The following SLC48A1 variants were observed in gnomAD, a reference collection of about 807,000 sequenced individuals.
SLC48A1 encodes heme transporter HRG1.
SLC48A1 carries 6 observed loss-of-function variants against 14.8 expected under a neutral mutation model. That is an observed-to-expected ratio of 0.41 (90% CI 0.22 to 0.80). The LOEUF is 0.80. Among genes scored for constraint, SLC48A1 ranks in the 30% least tolerant of loss-of-function variants. SLC48A1 has a pLI of 0.34. For missense variants in SLC48A1, 165 were observed against 204.8 expected (o/e 0.81, Z 1.19); for synonymous variants, 89 against 90.0 (o/e 0.99, Z 0.06).
At chr12:47,770,397 G>C (rs948472454), upstream of SLC48A1, among the ~76,000 whole-genome samples, 1 of 152,220 alleles carries the variant, frequency 6.6e-6, no homozygotes, top group Non-Finnish European at 1.5e-5. Flanking sequence ...TCTTGAAGCA[G>C]TTTCGTCTCT....
At chr12:47,765,168 T>A (rs1418657587) in intron 2 of SLC48A1, among the ~76,000 whole-genome samples, 1 of 135,054 alleles carries the variant, frequency 7.4e-6, no homozygotes, top group Non-Finnish European at 1.5e-5. Flanking sequence ...AAAAGTGGGA[T>A]CCAGAGAGAG....
intron 2 of SLC48A1, among the ~76,000 whole-genome samples, chr12:47,764,966 A>G (rs1942480844): frequency 6.6e-6 from 1 of 151,620 alleles, no homozygotes; most frequent in South Asian, 2.1e-4. Flanking sequence ...AGTCCAAGCT[A>G]CTCGGGAGGC....
At chr12:47,760,246 G>T in exon 2 of SLC48A1, 3 of 985,416 alleles carry the variant, frequency 3.0e-6, no homozygotes, top group Non-Finnish European at 3.6e-6. Context: ...ATTAAGAAAC[G>T]CTGGTGGAGT....
upstream of SLC48A1, chr12:47,769,469 C>G (rs1358587022): frequency 6.6e-6 from 1 of 152,228 alleles, no homozygotes; most frequent in Non-Finnish European, 1.5e-5. Context: ...CAAGGTCTTT[C>G]ACTGGATAAG....
chr12:47,773,377 A>G lies in SLC48A1; in HGVS notation c.73A>G (p.Ile25Val), dbSNP rs769439869. Residue 25 changes from isoleucine to valine, a missense_variant, in exon 1 of 3, where the codon ATC becomes GTC. Coordinates refer to ENST00000442218, the MANE Select transcript of SLC48A1 (RefSeq NM_017842.3). ...CATCAGCTCCGTGGCCGGCTTCTCC[A>G]TCTTCCTCGTCTGGACGGTGGTCTA... ...SGISSVAGFSIFLVWTVVYRQ... is the reference protein window; with the variant it reads ...SGISSVAGFSVFLVWTVVYRQ... The G allele has an allele frequency of 7.4e-6, 11 of 1,477,350 alleles. No homozygotes were observed. Among genetic ancestry groups the G allele is most frequent in the South Asian group, 1.3e-5 (1 of 77,564 alleles). 91.5% of individuals were successfully genotyped at this position (1,477,350 alleles called of 1,614,324 possible). A position where few individuals can be genotyped will look rare whatever the true frequency, so the allele number is the denominator to read the frequency against.
chr12:47,771,928 G>A (rs761584424), upstream of SLC48A1, among the ~76,000 whole-genome samples: 9 of 142,086 alleles, frequency 6.3e-5, no homozygotes, highest in Non-Finnish European at 1.2e-4. Flanking sequence ...GCAAGACTCC[G>A]TCTCAAAAAA....
chr12:47,758,845 G>A (rs753548529), intron 1 of SLC48A1: 65 of 1,201,556 alleles, frequency 5.4e-5, no homozygotes, highest in Non-Finnish European at 6.4e-5. Context: ...AGACGAAGGA[G>A]CCAGCTGGCA....
In SLC48A1 at chr12:47,782,440, AC is replaced by A. The variant is rs1382074653; in HGVS notation, c.*2164del. On this transcript the variant is annotated 3_prime_UTR_variant, in exon 3 of 3. Coordinates refer to ENST00000442218, the MANE Select transcript of SLC48A1 (RefSeq NM_017842.3). ...TCCTGTATTCCCACTCCCCCACCCC[AC>A]CCCCACTCCTGCCATATCAGGGCTG... The A allele has an allele frequency of 6.6e-6, 1 of 150,500 alleles. No homozygotes were observed. Among genetic ancestry groups the A allele is most frequent in the East Asian group, 2.0e-4 (1 of 5,096 alleles). The allele number at this position is 150,500 out of a possible 1,614,324, so 9.3% of individuals were successfully genotyped here. A position where few individuals can be genotyped will look rare whatever the true frequency, so the allele number is the denominator to read the frequency against.
At chr12:47,755,001 A>G (rs753714541), upstream of SLC48A1, among the ~76,000 whole-genome samples, 2 of 152,232 alleles carry the variant, frequency 1.3e-5, no homozygotes, top group Non-Finnish European at 1.5e-5. Context: ...CTGTCAGACC[A>G]GTTCCCTTGG....
At chr12:47,769,997 GGTGCAGATA>G (rs1942596529), upstream of SLC48A1, among the ~76,000 whole-genome samples, 1 of 152,198 alleles carries the variant, frequency 6.6e-6, no homozygotes, top group African/African-American at 2.4e-5. Flanking sequence ...CATTATGGAG[GGTGCAGATA>G]TGGAATATTT....
intron 2 of SLC48A1, 85 bp from the exon 3 acceptor site, chr12:47,780,060 G>A (rs1942833480): frequency 1.4e-6 from 2 of 1,432,782 alleles, no homozygotes; most frequent in East Asian, 2.5e-5. Context: ...ATGTTGAGTG[G>A]GGAGGGTGGC....
chr12:47,757,798 G>A, upstream of SLC48A1: 2 of 1,424,970 alleles, frequency 1.4e-6, no homozygotes, highest in Non-Finnish European at 1.9e-6. Flanking sequence ...AGCATGCCAA[G>A]CCATGATCTA....
Position 47,781,279 on chromosome 12 carries a change from A to T in SLC48A1, c.*998A>T. On this transcript the variant is annotated 3_prime_UTR_variant, in exon 3 of 3. Transcript: ENST00000442218. The stretch of plus-strand genomic sequence containing the variant: ...AGGGCTTTGGGGAAGGGGGCAACAT[A>T]GTAGAGGCTGGAAAGAGCCCCCAAA... The T allele has an allele frequency of 5.4e-6, 1 of 186,316 alleles. No homozygotes were observed. The highest frequency in any genetic ancestry group is 1.1e-5 in the Non-Finnish European group (1 of 87,354). 11.5% of individuals were successfully genotyped at this position (186,316 alleles called of 1,614,324 possible). A position where few individuals can be genotyped will look rare whatever the true frequency, so the allele number is the denominator to read the frequency against.
intron 1 of SLC48A1, among the ~76,000 whole-genome samples, chr12:47,775,524 A>C (rs1290717069): frequency 1.3e-5 from 2 of 152,208 alleles, no homozygotes; most frequent in East Asian, 3.8e-4. Context: ...GGGGTTGCCA[A>C]GCCTGGGCCT....
At chr12:47,774,994 A>T (rs1323248654) in intron 1 of SLC48A1, among the ~76,000 whole-genome samples, 1 of 152,250 alleles carries the variant, frequency 6.6e-6, no homozygotes, top group Non-Finnish European at 1.5e-5. Flanking sequence ...AGGCAAGAGA[A>T]GGATGAGCAG....
At chr12:47,754,313 A>G (rs1288687691), upstream of SLC48A1, among the ~76,000 whole-genome samples, 1 of 152,230 alleles carries the variant, frequency 6.6e-6, no homozygotes, top group Non-Finnish European at 1.5e-5. Flanking sequence ...GTGGGCAAGT[A>G]AGTTTGGAAA....
At chr12:47,779,001 A>T in intron 1 of SLC48A1, 27 bp from the exon 2 acceptor site, 1 of 1,545,704 alleles carries the variant, frequency 6.5e-7, no homozygotes, top group Non-Finnish European at 8.8e-7. Context: ...CACCCTGGGG[A>T]TGGGCCCTGA....
At chr12:47,758,152 GGCAGAACTA>G (rs1942206542), upstream of SLC48A1, 2 of 1,504,120 alleles carry the variant, frequency 1.3e-6, no homozygotes, top group African/African-American at 2.8e-5. Context: ...AACTGCCCCA[GGCAGAACTA>G]CTTCCTTAGA....
At chr12:47,767,982 AT>A (rs879757532), upstream of SLC48A1, among the ~76,000 whole-genome samples, 14 of 150,716 alleles carry the variant, frequency 9.3e-5, no homozygotes, top group South Asian at 4.2e-4. Flanking sequence ...ATTTATTTAA[AT>A]TTTTTTTTTC....
Sources: allele counts gnomAD v4.1 joint callset (sites outside exome capture counted in the v4.1 genomes callset), GRCh38; gene constraint gnomAD v4.1.1; transcripts MANE v1.5; gene names NCBI Gene and HGNC (gene_info 2026-07-23, HGNC 2026-07-21).